WSCD1: variants seen among roughly 807,000 people sequenced by gnomAD.
WSCD1 encodes the protein WSC domain sialate O sulfotransferase 1.
In WSCD1, 41 loss-of-function variants were observed where a neutral mutation model predicts 60.4. That is an observed-to-expected ratio of 0.68 (90% CI 0.53 to 0.88). WSCD1 has a LOEUF of 0.88. Among genes scored for constraint, WSCD1 ranks in the 40% least tolerant of loss-of-function variants. The pLI, the probability that WSCD1 is intolerant of heterozygous loss-of-function variation, is 0.00. For synonymous variants in WSCD1, 361 were observed against 332.5 expected (o/e 1.09, Z -0.93); for missense variants, 784 against 796.2 (o/e 0.98, Z 0.18).
In WSCD1 at chr17:6,118,031, C is replaced by G. The variant is rs754208271; in HGVS notation, c.1218C>G (p.Ile406Met). Residue 406 changes from isoleucine (I) to methionine (M), a missense_variant, in exon 8 of 9, where the codon ATC (isoleucine) becomes ATG (methionine). Transcript: ENST00000317744. The surrounding 1 kb of genome is among the most constrained non-coding windows in gnomAD (Gnocchi z 5.8). ...ACCACTGGCGGAGCCGACGCACCAT[C>G]TGTGTCAAAACCCACGAGAGTGGCA... ...EKDHWRSRRT[I>M]CVKTHESGRR... 6.2e-7 allele frequency: 1 copy of G among 1,614,200 alleles called. No homozygotes were observed. The highest frequency in any genetic ancestry group is 1.1e-5 in the South Asian group (1 of 91,074).
chr17:6,069,603 G>T (rs1035425752), upstream of WSCD1, among the ~76,000 whole-genome samples: 1 of 152,068 alleles, frequency 6.6e-6, no homozygotes, highest in African/African-American at 2.4e-5. Flanking sequence ...GCCGACCCCC[G>T]AGTGTGTAGA....
intron 5 of WSCD1, among the ~76,000 whole-genome samples, chr17:6,106,559 G>A (rs941849992): frequency 2.0e-5 from 3 of 152,190 alleles, no homozygotes; most frequent in East Asian, 1.9e-4. Context: ...TAGATAAAAC[G>A]AATCCATGGT....
chr17:6,097,541 C>A (rs766548443), intron 5 of WSCD1, among the ~76,000 whole-genome samples: 1 of 152,250 alleles, frequency 6.6e-6, no homozygotes, highest in East Asian at 1.9e-4. Flanking sequence ...TCTCACGTCG[C>A]GACACAAAGT....
intron 2 of WSCD1, 67 bp from the exon 3 acceptor site, chr17:6,087,923 G>A (rs1260484353): frequency 2.2e-6 from 3 of 1,353,340 alleles, no homozygotes; most frequent in Non-Finnish European, 3.1e-6. Flanking sequence ...AGGTTCCCCT[G>A]GCTTTTCCTA....
At chr17:6,083,299 C>A (rs990674248) in intron 2 of WSCD1, among the ~76,000 whole-genome samples, 2 of 152,202 alleles carry the variant, frequency 1.3e-5, no homozygotes, top group African/African-American at 4.8e-5. Context: ...CTCTTCATTG[C>A]CTTCATTCCA....
intron 7 of WSCD1, among the ~76,000 whole-genome samples, chr17:6,111,480 C>T (rs571586657): frequency 1.3e-5 from 2 of 152,174 alleles, no homozygotes; most frequent in East Asian, 3.9e-4. Context: ...GTGGGTGGAT[C>T]GCCTGAGGTC....
intron 6 of WSCD1, among the ~76,000 whole-genome samples, chr17:6,109,995 A>G (rs2150565486): frequency 6.6e-6 from 1 of 152,278 alleles, no homozygotes; most frequent in South Asian, 2.1e-4. Flanking sequence ...TGGACCCTTT[A>G]TCTAAGTCTC....
At chr17:6,097,462 C>T (rs1910514756) in intron 5 of WSCD1, among the ~76,000 whole-genome samples, 1 of 152,254 alleles carries the variant, frequency 6.6e-6, no homozygotes, top group Admixed American at 6.5e-5. Context: ...ACAAGCCCCG[C>T]AGCCGGGCAG....
rs1904733424 is a variant in WSCD1, at chr17:6,121,858, G to A, written c.*1197G>A. 6.6e-6 allele frequency: 1 copy of A among 152,362 alleles called. No individual in the cohort carries two copies. Among genetic ancestry groups the A allele is most frequent in the African/African-American group, 2.4e-5 (1 of 41,446 alleles). 9.4% of individuals were successfully genotyped at this position (152,362 alleles called of 1,614,324 possible). ...CTCACAAGTGAGGCTGTGGAGGCCA[G>A]GAGGTTCAAGTATGGAGGGTAGGAG... On this transcript the variant is annotated 3_prime_UTR_variant, in exon 9 of 9. Coordinates refer to ENST00000317744, the MANE Select transcript of WSCD1 (RefSeq NM_015253.2).
In WSCD1 at chr17:6,080,348, G is replaced by A. The variant is rs1304790285; in HGVS notation, c.-288-23G>A. 1.5e-5 allele frequency: 6 copies of A among 408,914 alleles called. No homozygotes were observed. Among genetic ancestry groups the A allele is most frequent in the South Asian group, 5.9e-5 (2 of 33,834 alleles). 25.3% of individuals were successfully genotyped at this position (408,914 alleles called of 1,614,324 possible). A position where few individuals can be genotyped will look rare whatever the true frequency, so the allele number is the denominator to read the frequency against. On this transcript the variant is annotated intron_variant, in intron 1 of 8. Transcript: ENST00000317744. The surrounding 1 kb of genome is among the most constrained non-coding windows in gnomAD (Gnocchi z 6.6). Reference sequence around the variant, plus strand: ...GTAGTGGACCCGCCTATTACATCTCGGTGCTCTTTCTCCACCTTCCAGATT... The same window carrying A: ...GTAGTGGACCCGCCTATTACATCTCAGTGCTCTTTCTCCACCTTCCAGATT...
chr17:6,118,903 C>G lies in WSCD1; in HGVS notation c.1375+715C>G, dbSNP rs938948063. Among the ~76,000 whole-genome samples, 5 of 152,190 alleles carry G rather than the reference C, an allele frequency of 3.3e-5. No individual in the cohort carries two copies. The highest frequency in any genetic ancestry group is 3.3e-4 in the Admixed American group (5 of 15,274). ...CTGGGGGATGGGGCAGGGGGTGGTG[C>G]TTAAGCAGCAGACATTTATTTCTCA... On this transcript the variant is annotated intron_variant, in intron 8 of 8. Coordinates refer to ENST00000317744, the MANE Select transcript of WSCD1 (RefSeq NM_015253.2). The surrounding 1 kb of genome is among the most constrained non-coding windows in gnomAD (Gnocchi z 5.8).
chr17:6,098,779 TA>T (rs764979261), intron 5 of WSCD1, among the ~76,000 whole-genome samples: 9 of 152,230 alleles, frequency 5.9e-5, no homozygotes, highest in Non-Finnish European at 1.2e-4. Flanking sequence ...AGCGCATATT[TA>T]GTGGGACTTG....
intron 7 of WSCD1, among the ~76,000 whole-genome samples, chr17:6,114,866 T>C (rs925111545): frequency 2.0e-5 from 3 of 148,530 alleles, no homozygotes; most frequent in African/African-American, 7.5e-5. Flanking sequence ...AACAGGCCCC[T>C]GTGTGTGATA....
At chr17:6,085,126 C>T (rs1909547424) in intron 2 of WSCD1, 1 of 152,212 alleles carries the variant, frequency 6.6e-6, no homozygotes, top group Admixed American at 6.5e-5. Flanking sequence ...CCATCCATCA[C>T]ACGTCCCAGG....
rs528364569 is a variant in WSCD1, at chr17:6,110,570, C to T, written c.1010-201C>T. Reference sequence around the variant, plus strand: ...ACTCCTGCACTGCAGTATTGCAGGCCTCATTACGGGGCTTTCTCGGACTGG... The same window carrying T: ...ACTCCTGCACTGCAGTATTGCAGGCTTCATTACGGGGCTTTCTCGGACTGG... On this transcript the variant is annotated intron_variant, in intron 6 of 8. Transcript: ENST00000317744. The surrounding 1 kb of genome is among the most constrained non-coding windows in gnomAD (Gnocchi z 4.8). Among the ~76,000 whole-genome samples, 5 of 152,270 alleles carry T rather than the reference C, an allele frequency of 3.3e-5. No individual in the cohort carries two copies. In the East Asian group the frequency reaches 9.7e-4, roughly 29 times the overall value.
intron 1 of WSCD1, among the ~76,000 whole-genome samples, chr17:6,072,441 G>A (rs1244370757): frequency 6.6e-6 from 1 of 152,174 alleles, no homozygotes; most frequent in Admixed American, 6.5e-5. Flanking sequence ...CTCCGAGCAG[G>A]GCCTCTAGGG....
intron 5 of WSCD1, among the ~76,000 whole-genome samples, chr17:6,103,839 G>T (rs1358212497): frequency 6.6e-6 from 1 of 152,152 alleles, no homozygotes; most frequent in African/African-American, 2.4e-5. Flanking sequence ...CTCTCTGAAA[G>T]GCACTTCAAG....
chr17:6,117,250 G>A (rs751548875), intron 7 of WSCD1, among the ~76,000 whole-genome samples: 2 of 152,198 alleles, frequency 1.3e-5, no homozygotes, highest in Non-Finnish European at 2.9e-5. Flanking sequence ...GCCCCCGATG[G>A]GCTGATCAAT....
At chr17:6,089,741 G>C (rs1006486208) in intron 3 of WSCD1, among the ~76,000 whole-genome samples, 6 of 152,196 alleles carry the variant, frequency 3.9e-5, no homozygotes, top group African/African-American at 4.8e-5. Flanking sequence ...CTGAGAACCA[G>C]CTTACAGGCA....
Sources: allele counts gnomAD v4.1 joint callset (sites outside exome capture counted in the v4.1 genomes callset), GRCh38; gene constraint gnomAD v4.1.1; non-coding constraint Gnocchi (gnomAD v3.1); transcripts MANE v1.5; gene names NCBI Gene and HGNC (gene_info 2026-07-23, HGNC 2026-07-21).